GTF2A2: variants seen among roughly 807,000 people sequenced by gnomAD.
The protein encoded by GTF2A2 is general transcription factor IIA subunit 2.
GTF2A2 carries 9 observed loss-of-function variants against 14.3 expected under a neutral mutation model. The ratio of observed to expected loss-of-function variants is 0.63; its 90% CI spans 0.38 to 1.10. The LOEUF is 1.10. GTF2A2 is among the 50% of genes least tolerant of loss of function. GTF2A2 has a pLI of 0.01. For missense variants in GTF2A2, 90 were observed against 124.6 expected, an observed-to-expected ratio of 0.72 and a Z score of 1.32; for synonymous variants, 56 against 46.0, an observed-to-expected ratio of 1.22 and a Z score of -0.88.
chr15:59,639,357 G>GCTTAGCTCCTCATAAGCAGAGATACAAAC (rs1377896408), intron 4 of GTF2A2, among the ~76,000 whole-genome samples, 200 bp from the exon 5 acceptor site: 2 of 152,086 alleles, frequency 1.3e-5, no homozygotes, highest in African/African-American at 2.4e-5. Flanking sequence ...GAGATACAAA[G>GCTTAGCTCCTCATAAGCAGAGATACAAAC]ATGCTTAGCT....
chr15:59,647,359 AAGGTGCTGGGATTAC>A (rs1274053400), intron 3 of GTF2A2, among the ~76,000 whole-genome samples: 1 of 152,158 alleles, frequency 6.6e-6, no homozygotes, highest in Non-Finnish European at 1.5e-5. Context: ...TTGGCCTCCC[AAGGTGCTGGGATTAC>A]AGGCTTGAGC....
chr15:59,647,848 G>A (rs1891657356), intron 3 of GTF2A2, among the ~76,000 whole-genome samples: 1 of 151,992 alleles, frequency 6.6e-6, no homozygotes, highest in African/African-American at 2.4e-5. Context: ...GGGGTTACAG[G>A]CATGAGCCAC....
In GTF2A2 at chr15:59,639,831, A is replaced by G. The variant is rs933485134; in HGVS notation, c.305-674T>C. Among the ~76,000 whole-genome samples the G allele has an allele frequency of 3.3e-5, 5 of 151,482 alleles. No individual in the cohort carries two copies. The South Asian group carries it at 1.0e-3, about 32-fold the overall frequency. ...AGTAGCGCAATCTCAGCTCACTGCA[A>G]TCTCCACCTCTCGGGTTTAAGCAAT... On this transcript the variant is annotated intron_variant, in intron 4 of 4. Transcript: ENST00000396060.
rs185981898 is a variant in GTF2A2 at position 59,643,222 on chromosome 15, G to A, written c.178-960C>T. Reference sequence around the variant, plus strand: ...AGCCTCCTGAGTAGCTGGGATTGCAGGTGTATGCCACCACGCCTAGCTAAC... The same window carrying A: ...AGCCTCCTGAGTAGCTGGGATTGCAAGTGTATGCCACCACGCCTAGCTAAC... On this transcript the variant is annotated intron_variant, in intron 3 of 4. Transcript: ENST00000396060. 4.0e-4 allele frequency among the ~76,000 whole-genome samples: 60 copies of A among 151,852 alleles called. No homozygotes were observed. The East Asian group carries it at 0.011, about 29-fold the overall frequency.
intron 3 of GTF2A2, among the ~76,000 whole-genome samples, chr15:59,648,184 G>A (rs1453920162): frequency 1.3e-5 from 2 of 151,446 alleles, no homozygotes; most frequent in Admixed American, 6.6e-5. Flanking sequence ...CGAGGCGGGC[G>A]GATCATGAGG....
chr15:59,640,408 T>C (rs1329612436), intron 4 of GTF2A2, among the ~76,000 whole-genome samples: 1 of 152,134 alleles, frequency 6.6e-6, no homozygotes, highest in Non-Finnish European at 1.5e-5. Flanking sequence ...TCAGCTATGG[T>C]TCAAATGTAT....
chr15:59,648,544 T>C (rs1157174664), intron 3 of GTF2A2, among the ~76,000 whole-genome samples: 1 of 151,944 alleles, frequency 6.6e-6, no homozygotes, highest in East Asian at 1.9e-4. Context: ...TTAAAACATA[T>C]AAATGATTAA....
intron 3 of GTF2A2, among the ~76,000 whole-genome samples, chr15:59,649,590 T>C (rs141543193): frequency 2.6e-5 from 4 of 152,342 alleles, no homozygotes; most frequent in Non-Finnish European, 4.4e-5. Context: ...CTGTTAAAAA[T>C]TCATGGATCC....
In GTF2A2 at chr15:59,638,413, T is replaced by G. The variant is rs1277724227; in HGVS notation, c.*719A>C. 1 of 150,362 alleles carries G rather than the reference T, an allele frequency of 6.7e-6. No individual in the cohort carries two copies. Among genetic ancestry groups the G allele is most frequent in the Non-Finnish European group, 1.5e-5 (1 of 67,576 alleles). The allele number at this position is 150,362 out of a possible 1,614,324, so 9.3% of individuals were successfully genotyped here. A position where few individuals can be genotyped will look rare whatever the true frequency, so the allele number is the denominator to read the frequency against. On this transcript the variant is annotated 3_prime_UTR_variant, in exon 5 of 5. Coordinates refer to ENST00000396060, the MANE Select transcript of GTF2A2 (RefSeq NM_004492.3). The stretch of plus-strand genomic sequence containing the variant: ...TGACATAAAAGTCTAATAATTAGAC[T>G]TTATTGTAAGTCTAATGTATCTTGT...
chr15:59,656,960 C>T (rs1175327846), intron 1 of GTF2A2: 2 of 152,148 alleles, frequency 1.3e-5, no homozygotes, highest in Admixed American at 1.3e-4. Flanking sequence ...TTGATTAAAC[C>T]ACCAAGTTTA....
intron 1 of GTF2A2, chr15:59,653,105 T>C (rs1046933746): frequency 9.0e-4 from 137 of 152,366 alleles, no homozygotes; most frequent in African/African-American, 3.3e-3. Flanking sequence ...AGAGACAGCA[T>C]AGATGGAGTT....
At chr15:59,646,093 G>A (rs185525880) in intron 3 of GTF2A2, among the ~76,000 whole-genome samples, 3 of 151,352 alleles carry the variant, frequency 2.0e-5, no homozygotes, top group East Asian at 3.9e-4. Context: ...GTCTTGCTGT[G>A]TTGCCCAGGA....
rs1448231726 is a variant in GTF2A2, at chr15:59,651,462, C to T, written c.73-689G>A. On this transcript the variant is annotated intron_variant, in intron 2 of 4. Coordinates refer to ENST00000396060, the MANE Select transcript of GTF2A2 (RefSeq NM_004492.3). ...AAAGTGCTGGGATTACAGTCATGAG[C>T]CATGGTGCCCAGCTGGAAATACTTA... is the stretch of plus-strand genomic sequence containing the variant. 7 of 152,228 alleles carry T rather than the reference C, an allele frequency of 4.6e-5. No homozygotes were observed. In the East Asian group the frequency reaches 1.4e-3, roughly 29 times the overall value. 9.4% of individuals were successfully genotyped at this position (152,228 alleles called of 1,614,324 possible). A position where few individuals can be genotyped will look rare whatever the true frequency, so the allele number is the denominator to read the frequency against.
intron 3 of GTF2A2, among the ~76,000 whole-genome samples, chr15:59,646,395 C>A (rs535140228): frequency 1.3e-5 from 2 of 152,066 alleles, no homozygotes; most frequent in Non-Finnish European, 2.9e-5. Flanking sequence ...TTTTATCCCT[C>A]GCCACCCTCC....
chr15:59,639,086 G>C lies in GTF2A2; in HGVS notation c.*46C>G. 9.1e-7 allele frequency: 1 copy of C among 1,100,358 alleles called. No homozygotes were observed. The highest frequency in any genetic ancestry group is 1.4e-6 in the Non-Finnish European group (1 of 714,940). The allele number at this position is 1,100,358 out of a possible 1,614,324, so 68.2% of individuals were successfully genotyped here. A position where few individuals can be genotyped will look rare whatever the true frequency, so the allele number is the denominator to read the frequency against. On this transcript the variant is annotated 3_prime_UTR_variant, in exon 5 of 5. Coordinates refer to ENST00000396060, the MANE Select transcript of GTF2A2 (RefSeq NM_004492.3). ...GTCTCTTCTATGCTTCTCTTCAAAAGCAATGAATAACAGAAGATGGTGTAA... is the reference window on the plus strand; with the variant it reads ...GTCTCTTCTATGCTTCTCTTCAAAACCAATGAATAACAGAAGATGGTGTAA...
Position 59,638,589 on chromosome 15 carries a change from T to TCTAA in GTF2A2, c.*539_*542dup, listed in dbSNP as rs1215231436. On this transcript the variant is annotated 3_prime_UTR_variant, in exon 5 of 5. Transcript: ENST00000396060. ...TTTGGTTTTGTTTTTGCTATGATTG[T>TCTAA]CTAACTTTTCCTAATCAAGTTGTAC... 9 of 152,324 alleles carry TCTAA rather than the reference T, an allele frequency of 5.9e-5. No individual in the cohort carries two copies. Among genetic ancestry groups the TCTAA allele is most frequent in the South Asian group, 2.1e-4 (1 of 4,834 alleles). The allele number at this position is 152,324 out of a possible 1,614,324, so 9.4% of individuals were successfully genotyped here.
intron 1 of GTF2A2, among the ~76,000 whole-genome samples, chr15:59,655,208 T>A (rs1220218712): frequency 2.0e-5 from 3 of 152,176 alleles, no homozygotes; most frequent in African/African-American, 7.2e-5. Context: ...TCTCCCACCT[T>A]AAAAAGTAAA....
At chr15:59,653,233 G>C (rs1891846500) in intron 1 of GTF2A2, among the ~76,000 whole-genome samples, 2 of 152,148 alleles carry the variant, frequency 1.3e-5, no homozygotes, top group South Asian at 4.1e-4. Context: ...GGCTCGAAAA[G>C]GGTGGCAGCA....
chr15:59,642,507 A>T (rs1891464282), intron 3 of GTF2A2, among the ~76,000 whole-genome samples: 1 of 152,242 alleles, frequency 6.6e-6, no homozygotes, highest in Non-Finnish European at 1.5e-5. Context: ...TACTTACCTG[A>T]AATATGAAGA....
Sources: gnomAD v4.1 joint callset for allele counts (sites outside exome capture counted in the v4.1 genomes callset) on GRCh38, gnomAD v4.1.1 for gene constraint, MANE v1.5 for transcripts, NCBI Gene and HGNC (gene_info 2026-07-23, HGNC 2026-07-21) for gene names.